MRPL36: variants seen among roughly 807,000 people sequenced by gnomAD.
MRPL36 encodes the protein mitochondrial ribosomal protein L36.
Under a neutral mutation model 2.8 loss-of-function variants are expected in MRPL36, and 1 was observed. That is an observed-to-expected ratio of 0.36 (90% CI 0.13 to 1.69). The LOEUF (loss-of-function observed/expected upper bound fraction) is 1.69, where lower values mean the gene tolerates loss of function less well. Among genes scored for constraint, MRPL36 ranks in the 40% most tolerant of loss-of-function variants. The probability of loss-of-function intolerance (pLI) is 0.35; values close to 1 mark genes in which losing one functional copy is unlikely to be tolerated. For missense variants in MRPL36, 148 were observed against 132.7 expected (o/e 1.12, Z -0.57); for synonymous variants, 68 against 54.8 (o/e 1.24, Z -1.06).
At chr5:1,801,016 C>T (rs1341056831), upstream of MRPL36, among the ~76,000 whole-genome samples, 2 of 152,220 alleles carry the variant, frequency 1.3e-5, no homozygotes, top group Non-Finnish European at 2.9e-5. Context: ...TTTACATCCT[C>T]CCCTGCCTGT....
upstream of MRPL36, chr5:1,801,419 T>G (rs776323741): frequency 1.9e-5 from 31 of 1,605,050 alleles, no homozygotes; most frequent in Admixed American, 1.3e-4. Context: ...CGGCGCAAAA[T>G]GGCGGCGGCG....
At chr5:1,801,306 C>A, upstream of MRPL36, 1 of 1,300,798 alleles carries the variant, frequency 7.7e-7, no homozygotes. Flanking sequence ...CCGACCCGCG[C>A]TCCCCGCCCC....
intron 1 of MRPL36, chr5:1,799,166 C>T (rs1241380974): frequency 2.1e-6 from 1 of 481,604 alleles, no homozygotes; most frequent in Non-Finnish European, 3.7e-6. Flanking sequence ...GCTTCCTTCC[C>T]TTTCCCGCCT....
chr5:1,800,584 T>C (rs2111341526), upstream of MRPL36, among the ~76,000 whole-genome samples: 1 of 149,254 alleles, frequency 6.7e-6, no homozygotes, highest in South Asian at 2.1e-4. Flanking sequence ...GGTTTTCATG[T>C]GCATTCTTGT....
At chr5:1,799,638 C>G (rs1428292045) in intron 1 of MRPL36, 154 bp downstream of exon 1, 1 of 152,366 alleles carries the variant, frequency 6.6e-6, no homozygotes, top group Non-Finnish European at 1.5e-5. Context: ...CAACCCTGGC[C>G]CTCTGAGACC....
upstream of MRPL36, among the ~76,000 whole-genome samples, chr5:1,800,860 C>G (rs887962127): frequency 1.3e-5 from 2 of 152,220 alleles, no homozygotes; most frequent in Non-Finnish European, 2.9e-5. Context: ...CTCCCCGTAA[C>G]CACACACAGG....
chr5:1,801,244 T>C, upstream of MRPL36: 4 of 942,836 alleles, frequency 4.2e-6, no homozygotes, highest in Non-Finnish European at 6.1e-6. Flanking sequence ...ATACCTGGGA[T>C]GAAAACGGGT....
intron 1 of MRPL36, chr5:1,799,341 C>T (rs143972165): frequency 0.014 from 2,155 of 156,386 alleles, 18 homozygotes; most frequent in Non-Finnish European, 0.02. Context: ...ACCCAGGGGC[C>T]CTCCCTCGGG....
Position 1,798,747 on chromosome 5 carries a change from C to G in MRPL36, c.189G>C (p.Ala63=). Residue 63 remains alanine, a synonymous_variant, in exon 2 of 2, where the codon GCG becomes GCC. Transcript: ENST00000505059. ...GGACAGTCTTGTTTTTGAACCCCAG[C>G]GCAGGCAGCAGATGGGGCAGGAGGC... ...SPGLLPHLLP[A]LGFKNKTVLK... is the part of the protein sequence containing the mutation. 1 of 1,613,942 alleles carries G rather than the reference C, an allele frequency of 6.2e-7. No homozygotes were observed. Among genetic ancestry groups the G allele is most frequent in the Non-Finnish European group, 8.5e-7 (1 of 1,179,924 alleles).
chr5:1,801,277 C>T (rs1447570344), upstream of MRPL36: 33 of 1,277,850 alleles, frequency 2.6e-5, no homozygotes, highest in Non-Finnish European at 3.5e-5. Context: ...CAGAGAGCAG[C>T]TCCGGCGCAC....
At chr5:1,799,025 T>A in intron 1 of MRPL36, 78 bp from the exon 2 acceptor site, 1 of 1,226,108 alleles carries the variant, frequency 8.2e-7, no homozygotes, top group Non-Finnish European at 1.1e-6. Context: ...TTTCTCTGTT[T>A]CACTGAGGCT....
At position 1,798,861 on chromosome 5, in the gene MRPL36, G is replaced by T; in HGVS notation, c.75C>A (p.Ala25=). 6.2e-7 allele frequency: 1 copy of T among 1,613,384 alleles called. No homozygotes were observed. Among genetic ancestry groups the T allele is most frequent in the East Asian group, 2.2e-5 (1 of 44,848 alleles). ...YLSRHTVKPR[A]LSTFLFGSIR... ...TGGATCCAAATAGAAATGTGGAGAG[G>T]GCTCGAGGCTTCACCGTGTGACGAC... The change falls in exon 2 of 2, where the codon GCC becomes GCA. Residue 25 remains alanine (A), a synonymous_variant. Coordinates refer to ENST00000505059, the MANE Select transcript of MRPL36 (RefSeq NM_032479.4).
chr5:1,801,285 C>T (rs550837954), upstream of MRPL36: 975 of 1,336,090 alleles, frequency 7.3e-4, 3 homozygotes, highest in Non-Finnish European at 9.1e-4. Flanking sequence ...AGCTCCGGCG[C>T]ACCCTCTGCC....
At chr5:1,801,413 G>A (rs747251672), upstream of MRPL36, 3 of 1,605,462 alleles carry the variant, frequency 1.9e-6, no homozygotes, top group South Asian at 2.2e-5. Context: ...GGCCAGCGGC[G>A]CAAAATGGCG....
upstream of MRPL36, chr5:1,801,298 G>T (rs1036481549): frequency 1.1e-5 from 16 of 1,405,508 alleles, no homozygotes; most frequent in Non-Finnish European, 1.5e-5. Context: ...CCTCTGCCCC[G>T]ACCCGCGCTC....
In MRPL36 at chr5:1,798,858, G is replaced by A; in HGVS notation, c.78C>T (p.Leu26=). 4 of 1,613,660 alleles carry A rather than the reference G, an allele frequency of 2.5e-6. No individual in the cohort carries two copies. The highest frequency in any genetic ancestry group is 3.4e-6 in the Non-Finnish European group (4 of 1,179,638). The change falls in exon 2 of 2, where the codon CTC becomes CTT. Residue 26 remains leucine (L), a synonymous_variant. Coordinates refer to ENST00000505059, the MANE Select transcript of MRPL36 (RefSeq NM_032479.4). ...GAATGGATCCAAATAGAAATGTGGAGAGGGCTCGAGGCTTCACCGTGTGAC... is the reference window on the plus strand; with the variant it reads ...GAATGGATCCAAATAGAAATGTGGAAAGGGCTCGAGGCTTCACCGTGTGAC... The part of the protein sequence containing the change: ...LSRHTVKPRA[L]STFLFGSIRG...
chr5:1,800,375 C>T (rs117025846), upstream of MRPL36, among the ~76,000 whole-genome samples: 20 of 152,326 alleles, frequency 1.3e-4, no homozygotes, highest in East Asian at 3.1e-3. Context: ...CTCCATTCGC[C>T]TTCCTTTTTG....
chr5:1,800,552 C>T (rs1164920667), upstream of MRPL36, among the ~76,000 whole-genome samples: 1 of 152,126 alleles, frequency 6.6e-6, no homozygotes. Flanking sequence ...ACCACGTTTG[C>T]TGGGACATCT....
At position 1,798,499 on chromosome 5, in the gene MRPL36, T is replaced by C; in HGVS notation, c.*125A>G. ...TTACACTGAAACGTGATGGGTAACT[T>C]TTAGGGCGTTTGCTTCCAGTCACTT... On this transcript the variant is annotated 3_prime_UTR_variant, in exon 2 of 2. Coordinates refer to ENST00000505059, the MANE Select transcript of MRPL36 (RefSeq NM_032479.4). 3.5e-6 allele frequency: 3 copies of C among 866,422 alleles called. No individual in the cohort carries two copies. Among genetic ancestry groups the C allele is most frequent in the Non-Finnish European group, 5.4e-6 (3 of 560,586 alleles). 53.7% of individuals were successfully genotyped at this position (866,422 alleles called of 1,614,324 possible). A position where few individuals can be genotyped will look rare whatever the true frequency, so the allele number is the denominator to read the frequency against.
Sources: allele counts gnomAD v4.1 joint callset (sites outside exome capture counted in the v4.1 genomes callset), GRCh38; gene constraint gnomAD v4.1.1; transcripts MANE v1.5; gene names NCBI Gene and HGNC (gene_info 2026-07-23, HGNC 2026-07-21).